Variants in GALNT16 observed in about 807,000 individuals in gnomAD.
GALNT16 encodes the protein UDP-GalNAc:polypeptide N-acetylgalactosaminyltransferase-like protein 1.
Under a neutral mutation model 76.1 loss-of-function variants are expected in GALNT16, and 40 were observed. That is an observed-to-expected ratio of 0.53 (90% CI 0.41 to 0.68). The LOEUF (loss-of-function observed/expected upper bound fraction) is 0.68, where lower values mean the gene tolerates loss of function less well. Ranked by LOEUF, GALNT16 falls within the 30% of genes least tolerant of loss-of-function variation. GALNT16 has a pLI of 0.00. For missense variants in GALNT16, 621 were observed against 731.9 expected (o/e 0.85, Z 1.75); for synonymous variants, 276 against 285.2 (o/e 0.97, Z 0.32).
the GALNT16 span, among the ~76,000 whole-genome samples, chr14:69,385,219 G>GA: frequency 1.3e-4 from 19 of 151,930 alleles, no homozygotes; most frequent in African/African-American, 3.6e-4. Context: ...GAGAGACTAG[G>GA]AAAAAAATCC....
At chr14:69,305,232 C>T (rs374437139) in intron 1 of GALNT16, among the ~76,000 whole-genome samples, 104 of 143,766 alleles carry the variant, frequency 7.2e-4, no homozygotes, top group Middle Eastern at 3.6e-3. Flanking sequence ...AGTGTGATCT[C>T]GGCTCACTGA....
At chr14:69,295,510 A>C (rs1238035380) in intron 1 of GALNT16, among the ~76,000 whole-genome samples, 2 of 151,932 alleles carry the variant, frequency 1.3e-5, no homozygotes, top group Non-Finnish European at 2.9e-5. Flanking sequence ...ACTTGAGGTC[A>C]GGAGTTCAAG....
rs150895892 is a variant in GALNT16, at chr14:69,306,374, T to C, written c.178-14337T>C. Among the ~76,000 whole-genome samples, 474 of 152,334 alleles carry C rather than the reference T, an allele frequency of 3.1e-3. 3 individuals are homozygous for C. The highest frequency in any genetic ancestry group is 0.011 in the African/African-American group (459 of 41,578). On this transcript the variant is annotated intron_variant, in intron 1 of 14. Coordinates refer to ENST00000448469, the MANE Select transcript of GALNT16 (RefSeq NM_001168368.2). ...GAAAGACCCCTAAAATTGAATCACA[T>C]GTACACTTTTTTTTACTTTTGATCA...
chr14:69,385,353 T>C, the GALNT16 span, among the ~76,000 whole-genome samples: 1 of 152,178 alleles, frequency 6.6e-6, no homozygotes, highest in Non-Finnish European at 1.5e-5. Flanking sequence ...TATTTCTTAC[T>C]TTTCCACAAA....
intron 1 of GALNT16, among the ~76,000 whole-genome samples, chr14:69,303,669 TCA>T (rs1286962532): frequency 1.3e-5 from 2 of 152,104 alleles, no homozygotes; most frequent in African/African-American, 4.8e-5. Flanking sequence ...TCCTAACAAA[TCA>T]CAGTTTTTAG....
chr14:69,273,278 C>A (rs185600694), intron 1 of GALNT16, among the ~76,000 whole-genome samples: 2 of 152,294 alleles, frequency 1.3e-5, no homozygotes, highest in African/African-American at 2.4e-5. Flanking sequence ...GCCTTTTACT[C>A]CCCTGGAAGG....
At chr14:69,276,690 A>G (rs2044475678) in intron 1 of GALNT16, among the ~76,000 whole-genome samples, 1 of 152,258 alleles carries the variant, frequency 6.6e-6, no homozygotes, top group African/African-American at 2.4e-5. Flanking sequence ...CAAAAAAAAA[A>G]AAAGAAAGAA....
At chr14:69,290,804 G>A (rs1291551284) in intron 1 of GALNT16, among the ~76,000 whole-genome samples, 2 of 152,198 alleles carry the variant, frequency 1.3e-5, no homozygotes, top group African/African-American at 4.8e-5. Context: ...GCCTTAAATG[G>A]AAAGAATTAA....
the GALNT16 span, among the ~76,000 whole-genome samples, chr14:69,363,155 T>G: frequency 2.7e-4 from 41 of 152,344 alleles, no homozygotes; most frequent in African/African-American, 9.9e-4. Flanking sequence ...TTAGGTTCCC[T>G]GGAGCAGGGA....
At position 69,312,059 on chromosome 14, in the gene GALNT16, GTCTATCTATCTA is replaced by G. The variant is rs3045602; in HGVS notation, c.178-8618_178-8607del. ...TTTCTAAAAAAAAAAAAAAAAATCT[GTCTATCTATCTA>G]TCTATCTATCTATCTATCTATCTAT... On this transcript the variant is annotated intron_variant, in intron 1 of 14. Coordinates refer to ENST00000448469, the MANE Select transcript of GALNT16 (RefSeq NM_001168368.2). 6.6e-3 allele frequency among the ~76,000 whole-genome samples: 624 copies of G among 94,250 alleles called. 11 individuals carry two copies. The East Asian group carries it at 0.1, about 15-fold the overall frequency. 61.8% of individuals were successfully genotyped at this position (94,250 alleles called of 152,430 possible).
chr14:69,260,003 G>A (rs915922755), upstream of GALNT16: 1 of 339,772 alleles, frequency 2.9e-6, no homozygotes. Flanking sequence ...TGGCCTGGTG[G>A]GTCAGCCGGC....
intron 5 of GALNT16, among the ~76,000 whole-genome samples, chr14:69,327,945 A>G (rs75167451): frequency 6.7e-4 from 102 of 152,308 alleles, no homozygotes; most frequent in African/African-American, 2.2e-3. Context: ...TATCTCTCTG[A>G]ATCTTATAGA....
chr14:69,311,896 CT>C (rs200480255), intron 1 of GALNT16, among the ~76,000 whole-genome samples: 11 of 151,932 alleles, frequency 7.2e-5, no homozygotes, highest in African/African-American at 2.4e-4. Flanking sequence ...CCCATTATTG[CT>C]TTTTTTTCCC....
chr14:69,273,229 TG>T (rs75830688), intron 1 of GALNT16, among the ~76,000 whole-genome samples: 10,962 of 152,198 alleles, frequency 0.072, 696 homozygotes, highest in East Asian at 0.24. Context: ...GTGATGAAAA[TG>T]GGTTTTGGAG....
At chr14:69,374,773 C>T in the GALNT16 span, among the ~76,000 whole-genome samples, 2 of 152,168 alleles carry the variant, frequency 1.3e-5, no homozygotes, top group Non-Finnish European at 2.9e-5. Context: ...TTATTTGGCT[C>T]ACAGTTCTGG....
chr14:69,276,987 A>T (rs1482204321), intron 1 of GALNT16, among the ~76,000 whole-genome samples: 2 of 152,068 alleles, frequency 1.3e-5, no homozygotes, highest in Non-Finnish European at 2.9e-5. Context: ...GTGATTCTCG[A>T]TTCTTCTGAA....
At chr14:69,355,999 G>C (rs1167498345), downstream of GALNT16, 1 of 152,310 alleles carries the variant, frequency 6.6e-6, no homozygotes, top group Non-Finnish European at 1.5e-5. Flanking sequence ...ACCTGGAAGG[G>C]AAAGGCTGGC....
chr14:69,370,333 T>C, the GALNT16 span, among the ~76,000 whole-genome samples: 1 of 152,174 alleles, frequency 6.6e-6, no homozygotes, highest in Non-Finnish European at 1.5e-5. Context: ...GCTTTGATAA[T>C]GCATCATTCC....
intron 12 of GALNT16, among the ~76,000 whole-genome samples, chr14:69,345,268 C>T (rs1438924165): frequency 6.6e-6 from 1 of 152,230 alleles, no homozygotes; most frequent in African/African-American, 2.4e-5. Flanking sequence ...TGGCAGCCAG[C>T]AGTTTGCCAC....
Sources: allele counts gnomAD v4.1 joint callset (sites outside exome capture counted in the v4.1 genomes callset), GRCh38; gene constraint gnomAD v4.1.1; transcripts MANE v1.5; gene names NCBI Gene and HGNC (gene_info 2026-07-23, HGNC 2026-07-21).